ZC2HC1B: variants seen among roughly 807,000 people sequenced by gnomAD.
ZC2HC1B encodes zinc finger C2HC domain-containing protein 1B.
A neutral mutation model predicts 31.0 loss-of-function variants in ZC2HC1B; 36 were observed. The observed-to-expected ratio is 1.16, with a 90% CI of 0.89 to 1.54. The LOEUF (loss-of-function observed/expected upper bound fraction) is 1.54. ZC2HC1B is among the 40% of genes most tolerant of loss of function. ZC2HC1B has a pLI of 0.00. For synonymous variants in ZC2HC1B, 73 were observed against 88.0 expected (o/e 0.83, Z 0.95); for missense variants, 260 against 268.6 (o/e 0.97, Z 0.22).
At chr6:143,890,276 A>G (rs1777583830) in intron 4 of ZC2HC1B, among the ~76,000 whole-genome samples, 1 of 152,046 alleles carries the variant, frequency 6.6e-6, no homozygotes, top group Admixed American at 6.5e-5. Flanking sequence ...AAATTAGGTC[A>G]AAAGAAGAAA....
Position 143,911,602 on chromosome 6 carries a change from C to G in ZC2HC1B, c.598+8450C>G, listed in dbSNP as rs1317884859. 6.6e-6 allele frequency among the ~76,000 whole-genome samples: 1 copy of G among 152,144 alleles called. No homozygotes were observed. Among genetic ancestry groups the G allele is most frequent in the Admixed American group, 6.5e-5 (1 of 15,268 alleles). On this transcript the variant is annotated intron_variant, in intron 6 of 7. Transcript: ENST00000237275. The surrounding 1 kb of genome is among the most constrained non-coding windows in gnomAD (Gnocchi z 4.5). ...AGAATGTTGAATTTTGGCCCCCAGT[C>G]TCTTCTACCTTCTAGGGTTTCCACT... is the stretch of plus-strand genomic sequence containing the variant.
Position 143,884,779 on chromosome 6 carries a change from A to C in ZC2HC1B, c.90+414A>C, listed in dbSNP as rs1777510229. Among the ~76,000 whole-genome samples, 1 of 152,188 alleles carries C rather than the reference A, an allele frequency of 6.6e-6. No individual in the cohort carries two copies. Among genetic ancestry groups the C allele is most frequent in the African/African-American group, 2.4e-5 (1 of 41,436 alleles). ...AGCCTCAAATTTGTCACTAATCCTG[A>C]CAAGTCCTTTAACCTTCCTGTTTTC... On this transcript the variant is annotated intron_variant, in intron 2 of 7. Coordinates refer to ENST00000237275, the MANE Select transcript of ZC2HC1B (RefSeq NM_001013623.3). The surrounding 1 kb of genome is among the most constrained non-coding windows in gnomAD (Gnocchi z 5.1).
chr6:143,876,086 T>TCAG (rs1358887604), intron 1 of ZC2HC1B, among the ~76,000 whole-genome samples: 1 of 150,726 alleles, frequency 6.6e-6, no homozygotes, highest in Non-Finnish European at 1.5e-5. Flanking sequence ...TCATTGCAGG[T>TCAG]CAGCCACTTG....
chr6:143,891,430 G>A (rs1378720888), intron 4 of ZC2HC1B, among the ~76,000 whole-genome samples: 2 of 151,966 alleles, frequency 1.3e-5, no homozygotes, highest in Non-Finnish European at 2.9e-5. Flanking sequence ...GCCAGGCGTG[G>A]TGGCTCACAC....
rs149376125 is a variant in ZC2HC1B, at chr6:143,930,882, A to G, written c.599-6767A>G. On this transcript the variant is annotated intron_variant, in intron 6 of 7. Coordinates refer to ENST00000237275, the MANE Select transcript of ZC2HC1B (RefSeq NM_001013623.3). Reference sequence around the variant, plus strand: ...GTAGAATATTCTGTAAATGTCTGTAAGGTCCATTTGGTCTACAGTGATTAA... The same window carrying G: ...GTAGAATATTCTGTAAATGTCTGTAGGGTCCATTTGGTCTACAGTGATTAA... Among the ~76,000 whole-genome samples, 625 of 152,298 alleles carry G rather than the reference A, an allele frequency of 4.1e-3. 4 individuals are homozygous for G. The highest frequency in any genetic ancestry group is 0.014 in the African/African-American group (565 of 41,552).
At chr6:143,914,415 C>T (rs543762881) in intron 6 of ZC2HC1B, among the ~76,000 whole-genome samples, 243 of 152,112 alleles carry the variant, frequency 1.6e-3, no homozygotes, top group Non-Finnish European at 3.2e-3. Flanking sequence ...TGCTTTATCT[C>T]ACCGTGGTTG....
chr6:143,902,065 CCTT>C (rs772228110), intron 5 of ZC2HC1B, among the ~76,000 whole-genome samples: 21 of 152,168 alleles, frequency 1.4e-4, no homozygotes, highest in Non-Finnish European at 2.1e-4. Flanking sequence ...CCACTCCTCT[CCTT>C]GTTTTCCAGA....
rs577625424 is a variant in ZC2HC1B, at chr6:143,873,954, T to C, written c.28+9387T>C. On this transcript the variant is annotated intron_variant, in intron 1 of 7. Transcript: ENST00000237275. Reference sequence around the variant, plus strand: ...AATTTCTGCAGCTGGCTTTAATTTCTTCTCAAAAAATGGGTTTTCCTTTTC... The same window carrying C: ...AATTTCTGCAGCTGGCTTTAATTTCCTCTCAAAAAATGGGTTTTCCTTTTC... Among the ~76,000 whole-genome samples the C allele has an allele frequency of 7.9e-5, 12 of 152,338 alleles. No homozygotes were observed. The South Asian group carries it at 2.5e-3, about 32-fold the overall frequency.
In ZC2HC1B at chr6:143,898,471, G is replaced by A. The variant is rs546439410; in HGVS notation, c.350-81G>A. 1.6e-5 allele frequency: 23 copies of A among 1,468,876 alleles called. No individual in the cohort carries two copies. In the Middle Eastern group the frequency reaches 5.3e-4, roughly 34 times the overall value. 91.0% of individuals were successfully genotyped at this position (1,468,876 alleles called of 1,614,324 possible). A position where few individuals can be genotyped will look rare whatever the true frequency, so the allele number is the denominator to read the frequency against. On this transcript the variant is annotated intron_variant, in intron 4 of 7. Transcript: ENST00000237275. ...CCATCATATCCTTATTTCACTTCAT[G>A]TAGTTCATTCTATAATTCTATAGTA...
intron 1 of ZC2HC1B, among the ~76,000 whole-genome samples, chr6:143,882,160 A>G (rs1777475350): frequency 1.3e-5 from 2 of 151,772 alleles, no homozygotes; most frequent in Admixed American, 1.3e-4. Context: ...GGTCACTGTA[A>G]GGATCACATG....
intron 1 of ZC2HC1B, 85 bp downstream of exon 1, chr6:143,864,652 T>C: frequency 1.4e-6 from 2 of 1,408,048 alleles, no homozygotes; most frequent in Non-Finnish European, 2.0e-6. Flanking sequence ...CTGGTAGGTA[T>C]TAGCTTGTTC....
chr6:143,914,035 C>A (rs1279403824), intron 6 of ZC2HC1B, among the ~76,000 whole-genome samples: 1 of 152,188 alleles, frequency 6.6e-6, no homozygotes, highest in Non-Finnish European at 1.5e-5. Context: ...TTCAAAGAAC[C>A]AACTTTTGGT....
chr6:143,867,794 C>T (rs982705827), intron 1 of ZC2HC1B, among the ~76,000 whole-genome samples: 1 of 152,226 alleles, frequency 6.6e-6, no homozygotes, highest in African/African-American at 2.4e-5. Flanking sequence ...TAATCACACA[C>T]CTCAAACCTC....
chr6:143,878,627 T>G (rs1277576467), intron 1 of ZC2HC1B, among the ~76,000 whole-genome samples: 3 of 146,548 alleles, frequency 2.0e-5, no homozygotes, highest in Non-Finnish European at 4.6e-5. Flanking sequence ...TGGCATGAGT[T>G]CAACATTACT....
At chr6:143,914,582 G>T (rs1777896001) in intron 6 of ZC2HC1B, among the ~76,000 whole-genome samples, 1 of 152,140 alleles carries the variant, frequency 6.6e-6, no homozygotes, top group African/African-American at 2.4e-5. Context: ...GTTAGATCTA[G>T]TTGGTTTATT....
chr6:143,879,965 C>A (rs886178712), intron 1 of ZC2HC1B, among the ~76,000 whole-genome samples: 2 of 151,556 alleles, frequency 1.3e-5, no homozygotes, highest in African/African-American at 4.9e-5. Context: ...ACTGGGACCA[C>A]AAGTGCATGC....
At chr6:143,867,083 T>G (rs1431152834) in intron 1 of ZC2HC1B, among the ~76,000 whole-genome samples, 1 of 152,238 alleles carries the variant, frequency 6.6e-6, no homozygotes, top group Non-Finnish European at 1.5e-5. Context: ...AAAAAGTTAC[T>G]TTCAGGCTGT....
At chr6:143,876,086 T>G (rs1777405468) in intron 1 of ZC2HC1B, among the ~76,000 whole-genome samples, 1 of 150,726 alleles carries the variant, frequency 6.6e-6, no homozygotes, top group South Asian at 2.1e-4. Flanking sequence ...TCATTGCAGG[T>G]CAGCCACTTG....
At chr6:143,919,337 G>A (rs184948105) in intron 6 of ZC2HC1B, among the ~76,000 whole-genome samples, 1 of 151,516 alleles carries the variant, frequency 6.6e-6, no homozygotes, top group Non-Finnish European at 1.5e-5. Context: ...TTTTGAGCTT[G>A]TGCCTTTCTC....
Sources: allele counts gnomAD v4.1 joint callset (sites outside exome capture counted in the v4.1 genomes callset), GRCh38; gene constraint gnomAD v4.1.1; non-coding constraint Gnocchi (gnomAD v3.1); transcripts MANE v1.5; gene names NCBI Gene and HGNC (gene_info 2026-07-23, HGNC 2026-07-21).